The following NMNAT3 variants were observed in gnomAD, a reference collection of about 807,000 sequenced individuals.
The protein encoded by NMNAT3 is nicotinamide/nicotinic acid mononucleotide adenylyltransferase 3.
A neutral mutation model predicts 24.8 loss-of-function variants in NMNAT3; 21 were observed. That is an observed-to-expected ratio of 0.85 (90% CI 0.60 to 1.22). NMNAT3 has a LOEUF of 1.22. Among genes scored for constraint, NMNAT3 ranks in the 50% most tolerant of loss-of-function variants. NMNAT3 has a pLI of 0.00. For missense variants in NMNAT3, 387 were observed against 436.6 expected, an observed-to-expected ratio of 0.89 and a Z score of 1.01; for synonymous variants, 136 against 155.2, an observed-to-expected ratio of 0.88 and a Z score of 0.92.
intron 3 of NMNAT3, among the ~76,000 whole-genome samples, chr3:139,587,388 T>G (rs2053981510): frequency 6.6e-6 from 1 of 152,118 alleles, no homozygotes; most frequent in Non-Finnish European, 1.5e-5. Context: ...ATATAATGCC[T>G]GAGACAAGAG....
At chr3:139,596,346 G>A (rs2108197986) in intron 3 of NMNAT3, among the ~76,000 whole-genome samples, 2 of 152,266 alleles carry the variant, frequency 1.3e-5, no homozygotes, top group South Asian at 4.1e-4. Flanking sequence ...AACAGCCATT[G>A]ACAGGGAATT....
intron 4 of NMNAT3, 119 bp from the exon 5 acceptor site, chr3:139,579,174 G>C: frequency 1.3e-6 from 1 of 785,566 alleles, no homozygotes; most frequent in Non-Finnish European, 2.1e-6. Context: ...GTAGACTCTG[G>C]CATTCTCTCA....
chr3:139,599,607 G>A, intron 3 of NMNAT3: 2 of 578,222 alleles, frequency 3.5e-6, no homozygotes, highest in Non-Finnish European at 6.1e-6. Flanking sequence ...TTTACAAACA[G>A]ACTGTTGTGA....
chr3:139,618,672 A>G (rs2055620917), intron 3 of NMNAT3, among the ~76,000 whole-genome samples: 1 of 152,246 alleles, frequency 6.6e-6, no homozygotes, highest in African/African-American at 2.4e-5. Flanking sequence ...TCTTAATGAA[A>G]AAAGAAAGCT....
intron 3 of NMNAT3, among the ~76,000 whole-genome samples, chr3:139,604,312 C>A (rs972395588): frequency 4.6e-5 from 7 of 152,140 alleles, no homozygotes; most frequent in African/African-American, 1.7e-4. Flanking sequence ...GGGATTACAG[C>A]AGACAAGTGT....
chr3:139,602,179 C>T (rs1251083708), intron 3 of NMNAT3, among the ~76,000 whole-genome samples: 2 of 152,112 alleles, frequency 1.3e-5, no homozygotes, highest in East Asian at 3.9e-4. Flanking sequence ...GCCTTTTTTG[C>T]ATTATTCATG....
At chr3:139,627,430 G>T (rs1426691466) in intron 3 of NMNAT3, among the ~76,000 whole-genome samples, 186 bp downstream of exon 4, 2 of 152,112 alleles carry the variant, frequency 1.3e-5, no homozygotes, top group Non-Finnish European at 2.9e-5. Context: ...ATGGCAAGGG[G>T]TATGACTTGT....
intron 1 of NMNAT3, among the ~76,000 whole-genome samples, chr3:139,666,038 A>C (rs1294435101): frequency 3.3e-5 from 5 of 152,200 alleles, no homozygotes; most frequent in Non-Finnish European, 7.3e-5. Context: ...AAATTTAATA[A>C]ATAAAACAGA....
intron 3 of NMNAT3, among the ~76,000 whole-genome samples, chr3:139,592,325 G>A (rs1312343762): frequency 6.6e-6 from 1 of 152,218 alleles, no homozygotes; most frequent in Non-Finnish European, 1.5e-5. Flanking sequence ...TATGTGAAAA[G>A]ACCAAATCTA....
chr3:139,648,151 C>T (rs976985855), intron 1 of NMNAT3, among the ~76,000 whole-genome samples: 2 of 152,044 alleles, frequency 1.3e-5, no homozygotes, highest in Non-Finnish European at 2.9e-5. Context: ...CCTACGTTGT[C>T]CTTGTGATAG....
chr3:139,578,808 C>A, intron 5 of NMNAT3, 64 bp downstream of exon 5: 1 of 1,445,782 alleles, frequency 6.9e-7, no homozygotes, highest in South Asian at 1.4e-5. Flanking sequence ...ACCTTTTACC[C>A]TGTAAGCTCT....
At chr3:139,590,115 A>G (rs183124900) in intron 3 of NMNAT3, among the ~76,000 whole-genome samples, 53 of 152,294 alleles carry the variant, frequency 3.5e-4, no homozygotes, top group Admixed American at 3.5e-3. Context: ...ACAAAACGGA[A>G]CAGACAGATC....
intron 1 of NMNAT3, among the ~76,000 whole-genome samples, chr3:139,668,293 T>C (rs2057649987): frequency 6.6e-6 from 1 of 152,216 alleles, no homozygotes; most frequent in Admixed American, 6.5e-5. Flanking sequence ...AGGTCGCTGG[T>C]GACCTATAGC....
Position 139,561,318 on chromosome 3 carries a change from C to A in NMNAT3, c.733G>T (p.Ala245Ser). ...TTCTCCACTATTTCCTGGATGTGCGCATCCTTCCAGAGGTTGGGGGTCTGG... is the reference window on the plus strand; with the variant it reads ...TTCTCCACTATTTCCTGGATGTGCGAATCCTTCCAGAGGTTGGGGGTCTGG... Residue 245 changes from alanine to serine, a missense_variant, in exon 7 of 7, where the codon GCG becomes TCG. Physicochemically the swap from Ala to Ser is moderately conservative, Grantham distance 99. Transcript: ENST00000643695. 2 of 1,614,088 alleles carry A rather than the reference C, an allele frequency of 1.2e-6. No individual in the cohort carries two copies. The highest frequency in any genetic ancestry group is 1.7e-6 in the Non-Finnish European group (2 of 1,180,000).
intron 1 of NMNAT3, among the ~76,000 whole-genome samples, chr3:139,656,294 T>C (rs952606179): frequency 5.3e-5 from 8 of 152,226 alleles, no homozygotes; most frequent in Non-Finnish European, 8.8e-5. Flanking sequence ...CAGAGTAGCA[T>C]GTAAATGAGA....
intron 1 of NMNAT3, among the ~76,000 whole-genome samples, chr3:139,661,293 G>A (rs76413897): frequency 0.018 from 2,746 of 152,240 alleles, 81 homozygotes; most frequent in African/African-American, 0.063. Context: ...GTAGGGCTGC[G>A]TCTAGCTCAG....
In NMNAT3 at chr3:139,560,997, G is replaced by C. The variant is rs770380091; in HGVS notation, c.*13C>G. ...GCTTGTTGGAGGAGGTGTGGGTGCT[G>C]AGTCCCCCCTCCCTAGCTTGTCTTG... is the stretch of plus-strand genomic sequence containing the variant. On this transcript the variant is annotated 3_prime_UTR_variant, in exon 7 of 7. Coordinates refer to ENST00000643695, the MANE Select transcript of NMNAT3 (RefSeq NM_001320510.2). 1.9e-6 allele frequency: 3 copies of C among 1,601,200 alleles called. No individual in the cohort carries two copies. The African/African-American group carries it at 4.0e-5, about 21-fold the overall frequency.
intron 3 of NMNAT3, among the ~76,000 whole-genome samples, chr3:139,601,528 C>T (rs1314151060): frequency 1.3e-5 from 2 of 152,214 alleles, no homozygotes; most frequent in Non-Finnish European, 2.9e-5. Flanking sequence ...TTTTCCCCTA[C>T]CTGCCTCCTT....
chr3:139,660,641 C>T (rs1396109025), intron 1 of NMNAT3, among the ~76,000 whole-genome samples: 1 of 152,156 alleles, frequency 6.6e-6, no homozygotes, highest in Non-Finnish European at 1.5e-5. Flanking sequence ...AAAACCTGGC[C>T]TCCTGATTAG....
Sources: gnomAD v4.1 joint callset for allele counts (sites outside exome capture counted in the v4.1 genomes callset) on GRCh38, gnomAD v4.1.1 for gene constraint, MANE v1.5 for transcripts, NCBI Gene and HGNC (gene_info 2026-07-23, HGNC 2026-07-21) for gene names.